Variants in SLC35A1 observed in about 807,000 individuals in gnomAD.
SLC35A1 encodes solute carrier family 35 member A1, also known as CMP-sialic acid transporter.
A neutral mutation model predicts 40.3 loss-of-function variants in SLC35A1; 21 were observed. The observed-to-expected ratio is 0.52, with a 90% CI of 0.37 to 0.75. The LOEUF (loss-of-function observed/expected upper bound fraction) is 0.75. SLC35A1 is among the 30% of genes least tolerant of loss of function. The pLI, the probability that SLC35A1 is intolerant of heterozygous loss-of-function variation, is 0.00. For synonymous variants in SLC35A1, 146 were observed against 147.3 expected (o/e 0.99, Z 0.06); for missense variants, 297 against 382.1 (o/e 0.78, Z 1.86).
chr6:87,497,596 G>A (rs1046563262), intron 2 of SLC35A1, among the ~76,000 whole-genome samples: 3 of 152,178 alleles, frequency 2.0e-5, no homozygotes, highest in Admixed American at 2.0e-4. Flanking sequence ...TATTGGTGCA[G>A]GTATCGTGAT....
intron 2 of SLC35A1, among the ~76,000 whole-genome samples, chr6:87,499,881 C>G (rs1769865358): frequency 1.3e-5 from 2 of 152,060 alleles, no homozygotes; most frequent in Admixed American, 1.3e-4. Context: ...TTTGGGAGGC[C>G]GAGGCGGGCA....
intron 6 of SLC35A1, 67 bp from the exon 7 acceptor site, chr6:87,508,974 T>C (rs1480162659): frequency 6.5e-6 from 10 of 1,538,182 alleles, no homozygotes; most frequent in Middle Eastern, 1.7e-4. Context: ...GGGATGAAAA[T>C]TGCCTCACCA....
At chr6:87,501,359 T>A in intron 4 of SLC35A1, 49 bp downstream of exon 4, 1 of 1,554,514 alleles carries the variant, frequency 6.4e-7, no homozygotes, top group African/African-American at 1.4e-5. Flanking sequence ...GAAAACTTCC[T>A]TAAGTCTTAT....
intron 4 of SLC35A1, among the ~76,000 whole-genome samples, chr6:87,504,210 G>A (rs1382689414): frequency 1.3e-5 from 2 of 150,842 alleles, no homozygotes; most frequent in South Asian, 2.1e-4. Context: ...AGGATCACTT[G>A]AGCCGAGGAG....
intron 2 of SLC35A1, among the ~76,000 whole-genome samples, chr6:87,495,469 C>T (rs930062040): frequency 2.6e-5 from 4 of 152,070 alleles, no homozygotes; most frequent in Non-Finnish European, 5.9e-5. Context: ...CTGTCAAATA[C>T]TTATAGATTA....
At chr6:87,511,277 C>T in intron 7 of SLC35A1, 122 bp from the exon 8 acceptor site, 5 of 1,047,838 alleles carry the variant, frequency 4.8e-6, no homozygotes, top group South Asian at 4.0e-5. Flanking sequence ...TAAACCTTGC[C>T]ATCATAAAAA....
chr6:87,480,879 C>T (rs937271202), intron 2 of SLC35A1, among the ~76,000 whole-genome samples: 2 of 152,016 alleles, frequency 1.3e-5, no homozygotes, highest in African/African-American at 4.8e-5. Context: ...ATGTGTCCAT[C>T]CCCCTTCTGT....
intron 5 of SLC35A1, chr6:87,506,762 T>C (rs1770094321): frequency 3.0e-6 from 1 of 330,386 alleles, no homozygotes; most frequent in Non-Finnish European, 5.8e-6. Flanking sequence ...CAGAAAGCCC[T>C]TTCCTTTTTT....
chr6:87,493,963 G>C (rs1021615200), intron 2 of SLC35A1, among the ~76,000 whole-genome samples: 1 of 152,176 alleles, frequency 6.6e-6, no homozygotes, highest in African/African-American at 2.4e-5. Flanking sequence ...GTGTGGGAAG[G>C]AATTAATGGA....
At chr6:87,488,988 T>C (rs576741767) in intron 2 of SLC35A1, among the ~76,000 whole-genome samples, 2 of 152,348 alleles carry the variant, frequency 1.3e-5, no homozygotes, top group African/African-American at 4.8e-5. Context: ...TTTTGTTCTT[T>C]CTCTTGCCTT....
At chr6:87,490,116 C>A (rs191561520) in intron 2 of SLC35A1, among the ~76,000 whole-genome samples, 23 of 151,858 alleles carry the variant, frequency 1.5e-4, no homozygotes, top group Middle Eastern at 3.4e-3. Context: ...TTAGTCCCAG[C>A]TACTTCAGGG....
At chr6:87,507,675 A>T (rs1225478397) in intron 5 of SLC35A1, among the ~76,000 whole-genome samples, 6 of 152,132 alleles carry the variant, frequency 3.9e-5, no homozygotes, top group Non-Finnish European at 8.8e-5. Flanking sequence ...CATGATATTT[A>T]TAACTAAAAT....
At chr6:87,483,544 C>A (rs1017892260) in intron 2 of SLC35A1, among the ~76,000 whole-genome samples, 9 of 152,142 alleles carry the variant, frequency 5.9e-5, no homozygotes, top group African/African-American at 2.2e-4. Context: ...CTTTGAGGTT[C>A]AGCCCCTGAA....
At chr6:87,502,876 T>C (rs578218010) in intron 4 of SLC35A1, among the ~76,000 whole-genome samples, 6 of 152,202 alleles carry the variant, frequency 3.9e-5, no homozygotes, top group Non-Finnish European at 8.8e-5. Flanking sequence ...GGGTTCCAAG[T>C]GTCAGGACTG....
intron 1 of SLC35A1, 119 bp from the exon 2 acceptor site, chr6:87,477,243 G>C: frequency 1.0e-6 from 1 of 1,004,950 alleles, no homozygotes. Context: ...TTAAGCATGA[G>C]TTTTAGAAAA....
chr6:87,491,979 C>T (rs897516422), intron 2 of SLC35A1, among the ~76,000 whole-genome samples: 1 of 152,228 alleles, frequency 6.6e-6, no homozygotes, highest in Non-Finnish European at 1.5e-5. Flanking sequence ...GCACATTACA[C>T]ATACAACAAA....
chr6:87,500,733 C>A, intron 3 of SLC35A1, 66 bp downstream of exon 3: 50 of 1,391,470 alleles, frequency 3.6e-5, no homozygotes, highest in Middle Eastern at 4.1e-4. Context: ...TTTATTAACT[C>A]TTTATCATAT....
intron 2 of SLC35A1, among the ~76,000 whole-genome samples, chr6:87,493,470 G>GTC (rs974664322): frequency 3.1e-5 from 4 of 128,912 alleles, no homozygotes; most frequent in African/African-American, 8.6e-5. Flanking sequence ...AGTTGTGTGT[G>GTC]TGTGTGTGTG....
At chr6:87,490,893 G>A (rs151072494) in intron 2 of SLC35A1, among the ~76,000 whole-genome samples, 4 of 152,296 alleles carry the variant, frequency 2.6e-5, no homozygotes, top group African/African-American at 9.6e-5. Flanking sequence ...TTGTCAAAAT[G>A]TGTTATGTAA....
Sources: allele counts gnomAD v4.1 joint callset (sites outside exome capture counted in the v4.1 genomes callset), GRCh38; gene constraint gnomAD v4.1.1; transcripts MANE v1.5; gene names NCBI Gene and HGNC (gene_info 2026-07-23, HGNC 2026-07-21).